Variants in GPR108 observed in about 807,000 individuals in gnomAD.
GPR108 encodes G protein-coupled receptor 108, also known as protein GPR108.
In GPR108, 60 loss-of-function variants were observed where a neutral mutation model predicts 74.3. The observed-to-expected ratio is 0.81, with a 90% CI of 0.66 to 1.00. GPR108 has a LOEUF of 1.00. GPR108 is among the 50% of genes least tolerant of loss of function. The pLI, the probability that GPR108 is intolerant of heterozygous loss-of-function variation, is 0.00. For synonymous variants in GPR108, 311 were observed against 292.4 expected, an observed-to-expected ratio of 1.06 and a Z score of -0.65; for missense variants, 667 against 703.3, an observed-to-expected ratio of 0.95 and a Z score of 0.58.
rs371637045 is a variant in GPR108 at position 6,733,488 on chromosome 19, A to T, written c.723+82T>A. On this transcript the variant is annotated intron_variant, in intron 8 of 17. Coordinates refer to ENST00000264080, the MANE Select transcript of GPR108 (RefSeq NM_001080452.2). The stretch of plus-strand genomic sequence containing the variant: ...CTTCGCACCCGGGAGGGCTGGGAAA[A>T]GCTAAGCGGGGTGAGGCACTCTGGG... 741 of 1,463,268 alleles carry T rather than the reference A, an allele frequency of 5.1e-4. 8 individuals carry two copies. In the South Asian group the frequency reaches 5.6e-3, roughly 11 times the overall value. 90.6% of individuals were successfully genotyped at this position (1,463,268 alleles called of 1,614,324 possible).
Position 6,735,724 on chromosome 19 carries a change from G to A in GPR108, c.292-20C>T, listed in dbSNP as rs1316104920. The A allele has an allele frequency of 6.2e-7, 1 of 1,610,902 alleles. No homozygotes were observed. The highest frequency in any genetic ancestry group is 8.5e-7 in the Non-Finnish European group (1 of 1,177,276). On this transcript the variant is annotated intron_variant, in intron 3 of 17. Coordinates refer to ENST00000264080, the MANE Select transcript of GPR108 (RefSeq NM_001080452.2). ...CCGGGTCTGGGGGGTGGGCAGGAGG[G>A]AGTGAGTCTTGGTTACTCCTCTCCT...
chr19:6,734,408 C>T (rs1243565746), intron 4 of GPR108, 101 bp from the exon 5 acceptor site: 20 of 1,171,092 alleles, frequency 1.7e-5, no homozygotes, highest in Non-Finnish European at 2.4e-5. Context: ...CGTGTCCTCC[C>T]TGAGGGGCGG....
At chr19:6,731,406 G>A (rs1167019582) in intron 15 of GPR108, 67 bp downstream of exon 15, 74 of 1,498,218 alleles carry the variant, frequency 4.9e-5, no homozygotes, top group Admixed American at 2.2e-5. Context: ...GCAGCTGAGG[G>A]GCTGGGGTGG....
chr19:6,730,421 G>C lies in GPR108; in HGVS notation c.1560-37C>G, dbSNP rs775723440. On this transcript the variant is annotated intron_variant, in intron 17 of 17. Transcript: ENST00000264080. ...CAGCGAGGAGGCGTCTAGCGTTGCA[G>C]GGCAGCAGGCCCCACCCACTCTACC... 4 of 1,574,196 alleles carry C rather than the reference G, an allele frequency of 2.5e-6. No homozygotes were observed. In the South Asian group the frequency reaches 3.3e-5, roughly 13 times the overall value.
At chr19:6,734,954 C>T (rs1414841432) in intron 4 of GPR108, among the ~76,000 whole-genome samples, 1 of 151,740 alleles carries the variant, frequency 6.6e-6, no homozygotes, top group Non-Finnish European at 1.5e-5. Flanking sequence ...AAACTTGGTT[C>T]ACTGCAACCT....
intron 17 of GPR108, among the ~76,000 whole-genome samples, 160 bp downstream of exon 17, chr19:6,730,826 GC>G (rs1287664736): frequency 6.7e-6 from 1 of 149,950 alleles, no homozygotes; most frequent in Admixed American, 6.7e-5. Context: ...TGCCCTGGCT[GC>G]CCCCCATCTC....
At chr19:6,730,502 C>T (rs1171878319) in intron 17 of GPR108, 118 bp from the exon 18 acceptor site, 1 of 797,816 alleles carries the variant, frequency 1.3e-6, no homozygotes, top group African/African-American at 1.7e-5. Context: ...CTGGCCTTGC[C>T]CACTCTACCC....
chr19:6,733,813 A>G, intron 7 of GPR108, 32 bp downstream of exon 7: 1 of 1,612,674 alleles, frequency 6.2e-7, no homozygotes, highest in Non-Finnish European at 8.5e-7. Flanking sequence ...CTCTGGGGTG[A>G]CGGAAGGGCC....
At chr19:6,731,671 G>A (rs1968408727) in intron 14 of GPR108, 149 bp from the exon 15 acceptor site, 2 of 833,438 alleles carry the variant, frequency 2.4e-6, no homozygotes, top group Non-Finnish European at 3.7e-6. Context: ...GGGGCAGAAA[G>A]GCGGAAGGGG....
Position 6,731,004 on chromosome 19 carries a change from ATCCTCCTCG to A in GPR108, c.1533_1541del (p.Glu512_Asp514del), listed in dbSNP as rs1968374986. 1 of 1,610,410 alleles carries A rather than the reference ATCCTCCTCG, an allele frequency of 6.2e-7. No individual in the cohort carries two copies. ...CAGCTCACACTTGCTCCATCTGAAC[ATCCTCCTCG>A]TCCTCCTGGGGCAGCTGCAGGTACG... On this transcript the variant is annotated inframe_deletion, in exon 17 of 18. Transcript: ENST00000264080.
intron 7 of GPR108, 61 bp from the exon 8 acceptor site, chr19:6,733,735 C>G: frequency 6.3e-7 from 1 of 1,582,950 alleles, no homozygotes; most frequent in Non-Finnish European, 8.7e-7. Flanking sequence ...GGGCGACAAT[C>G]AGCTTGGGGG....
chr19:6,730,614 C>T, intron 17 of GPR108: 1 of 589,436 alleles, frequency 1.7e-6, no homozygotes, highest in South Asian at 2.0e-5. Context: ...CTGGCCCCAC[C>T]CACTCTACCC....
chr19:6,731,884 G>A lies in GPR108; in HGVS notation c.1300+7C>T, dbSNP rs1301412295. The A allele has an allele frequency of 3.1e-6, 5 of 1,611,620 alleles. No homozygotes were observed. The highest frequency in any genetic ancestry group is 8.5e-7 in the Non-Finnish European group (1 of 1,179,392). ...TGAGCAGAGGGCCTGCAGGCGCAGG[G>A]CCTCACCCTTCCCGTCTGTGCCAGA... On this transcript the variant is annotated splice_region_variant and intron_variant, in intron 14 of 17. Transcript: ENST00000264080.
intron 4 of GPR108, chr19:6,735,408 C>T (rs957688496): frequency 1.3e-5 from 7 of 545,730 alleles, no homozygotes; most frequent in African/African-American, 5.7e-5. Context: ...TCACAACAAC[C>T]CTCTGTATCC....
intron 9 of GPR108, 24 bp downstream of exon 9, chr19:6,733,144 G>A (rs751133243): frequency 1.2e-6 from 2 of 1,613,822 alleles, no homozygotes. Context: ...GGACGTGGGG[G>A]ACCCTCAGGG....
Position 6,732,125 on chromosome 19 carries a change from C to G in GPR108, c.1156G>C (p.Glu386Gln), listed in dbSNP as rs369212248. The G allele has an allele frequency of 1.9e-6, 3 of 1,613,574 alleles. No homozygotes were observed. The highest frequency in any genetic ancestry group is 1.6e-4 in the Middle Eastern group (1 of 6,084). ...TCGCTGGCGCCTTCCTCGCGGGACT[C>G]GATGATGATGTAGGCCACGTTGGCC... The part of the protein sequence containing the change: ...VLANVAYIII[E>Q]SREEGASDYV... The change falls in exon 13 of 18, where the codon GAG (glutamate) becomes CAG (glutamine). Residue 386 changes from glutamate to glutamine, a missense_variant. By Grantham distance (29) the Glu-to-Gln change is conservative (BLOSUM62 2). Transcript: ENST00000264080.
In GPR108 at chr19:6,732,159, C is replaced by A; in HGVS notation, c.1126-4G>T. The A allele has an allele frequency of 6.2e-7, 1 of 1,613,342 alleles. No individual in the cohort carries two copies. Among genetic ancestry groups the A allele is most frequent in the Non-Finnish European group, 8.5e-7 (1 of 1,179,916 alleles). On this transcript the variant is annotated splice_region_variant and splice_polypyrimidine_tract_variant and intron_variant, in intron 12 of 17. Coordinates refer to ENST00000264080, the MANE Select transcript of GPR108 (RefSeq NM_001080452.2). ...TGTAGGCCACGTTGGCCAGGACCTG[C>A]GCAGGCGGCGGGGGTGGGTGGGCAC...
At chr19:6,731,153 C>G in intron 16 of GPR108, 42 bp from the exon 17 acceptor site, 1 of 1,608,542 alleles carries the variant, frequency 6.2e-7, no homozygotes. Context: ...CGCACCCCCA[C>G]CCCCACCGTG....
At position 6,730,280 on chromosome 19, in the gene GPR108, G is replaced by C; in HGVS notation, c.*32C>G. ...GGCAGGAGTGAGAAATGCTGGGGGA[G>C]GACGACCCTTTGGTCTGAGATGTGG... On this transcript the variant is annotated 3_prime_UTR_variant, in exon 18 of 18. Coordinates refer to ENST00000264080, the MANE Select transcript of GPR108 (RefSeq NM_001080452.2). 1 of 1,593,056 alleles carries C rather than the reference G, an allele frequency of 6.3e-7. No individual in the cohort carries two copies. The highest frequency in any genetic ancestry group is 8.6e-7 in the Non-Finnish European group (1 of 1,160,952).
Sources: gnomAD v4.1 joint callset for allele counts (sites outside exome capture counted in the v4.1 genomes callset) on GRCh38, gnomAD v4.1.1 for gene constraint, MANE v1.5 for transcripts, NCBI Gene and HGNC (gene_info 2026-07-23, HGNC 2026-07-21) for gene names.